The following LPP variants were observed in gnomAD, a reference collection of about 807,000 sequenced individuals.
LPP encodes the protein LIM domain containing preferred translocation partner in lipoma.
LPP carries 38 observed loss-of-function variants against 60.4 expected under a neutral mutation model. The ratio of observed to expected loss-of-function variants is 0.63; its 90% CI spans 0.49 to 0.83. The LOEUF (loss-of-function observed/expected upper bound fraction) is 0.83, where lower values mean the gene tolerates loss of function less well. Ranked by LOEUF, LPP falls within the 40% of genes least tolerant of loss-of-function variation. The pLI is 0.00. For missense variants in LPP, 902 were observed against 783.6 expected, an observed-to-expected ratio of 1.15 and a Z score of -1.80; for synonymous variants, 328 against 290.8, an observed-to-expected ratio of 1.13 and a Z score of -1.30.
chr3:188,872,890 G>T, intron 11 of LPP, 127 bp downstream of exon 11: 1 of 1,263,912 alleles, frequency 7.9e-7, no homozygotes, highest in South Asian at 1.5e-5. Flanking sequence ...CATAGGACTT[G>T]GGTTTTAGAT....
chr3:188,316,531 C>T (rs184373471), intron 2 of LPP, among the ~76,000 whole-genome samples: 93 of 152,236 alleles, frequency 6.1e-4, no homozygotes, highest in Admixed American at 4.6e-3. Flanking sequence ...TCACATGATG[C>T]CCATGATGTT....
At chr3:188,365,869 G>T (rs963337276) in intron 3 of LPP, among the ~76,000 whole-genome samples, 1 of 152,058 alleles carries the variant, frequency 6.6e-6, no homozygotes, top group Non-Finnish European at 1.5e-5. Context: ...ATTAACATAG[G>T]CATCACCTCA....
chr3:188,811,860 A>G (rs888710534), intron 9 of LPP, among the ~76,000 whole-genome samples: 12 of 152,178 alleles, frequency 7.9e-5, no homozygotes, highest in African/African-American at 2.4e-4. Context: ...TTGTGGATAC[A>G]TAGTAGATGT....
intron 2 of LPP, among the ~76,000 whole-genome samples, chr3:188,301,839 T>A (rs977931241): frequency 2.6e-5 from 4 of 152,120 alleles, no homozygotes; most frequent in African/African-American, 7.2e-5. Flanking sequence ...GTACTTTTTT[T>A]AAAGACAGTA....
chr3:188,770,655 C>T (rs148626549), intron 9 of LPP, among the ~76,000 whole-genome samples: 5 of 152,012 alleles, frequency 3.3e-5, no homozygotes, highest in East Asian at 1.9e-4. Context: ...AGTGTGTGTC[C>T]GTGTGATCAG....
chr3:188,619,028 T>C (rs115920414), intron 7 of LPP, among the ~76,000 whole-genome samples: 2,339 of 152,266 alleles, frequency 0.015, 39 homozygotes, highest in Middle Eastern at 0.099. Flanking sequence ...TATTTTATTT[T>C]TTTCTTTTTC....
chr3:188,815,118 T>C (rs1752117293), intron 9 of LPP, among the ~76,000 whole-genome samples: 1 of 152,238 alleles, frequency 6.6e-6, no homozygotes, highest in African/African-American at 2.4e-5. Flanking sequence ...ACTAAATAAA[T>C]ACTTGTCCAA....
intron 1 of LPP, among the ~76,000 whole-genome samples, chr3:188,165,563 G>A (rs1043027020): frequency 3.3e-5 from 5 of 152,308 alleles, no homozygotes; most frequent in Admixed American, 1.3e-4. Context: ...TTGCTGTACT[G>A]AGAAGTTGAG....
chr3:188,197,351 C>T (rs1729823315), intron 1 of LPP, among the ~76,000 whole-genome samples: 1 of 152,166 alleles, frequency 6.6e-6, no homozygotes, highest in African/African-American at 2.4e-5. Context: ...ATGGTAATCT[C>T]AGGAGTCCCT....
rs149437411 is a variant in LPP, at chr3:188,609,231, C to T, written c.500C>T (p.Pro167Leu). ...PVTGHKRMVI[P>L]NQPPLTATKK... ...ACAGGACACAAGAGAATGGTCATCCCGAACCAACCCCCTCTAACAGCAACC... is the reference window on the plus strand; with the variant it reads ...ACAGGACACAAGAGAATGGTCATCCTGAACCAACCCCCTCTAACAGCAACC... Residue 167 changes from proline to leucine, a missense_variant, in exon 7 of 12, where the codon CCG becomes CTG. Pro to Leu is a moderately conservative substitution (Grantham distance 98). Transcript: ENST00000617246. The surrounding 1 kb of genome is among the most constrained non-coding windows in gnomAD (Gnocchi z 6.9). 2.6e-3 allele frequency: 4,142 copies of T among 1,613,940 alleles called. 5 individuals carry two copies. The highest frequency in any genetic ancestry group is 3.2e-3 in the Non-Finnish European group (3,803 of 1,179,966).
At chr3:188,552,621 C>T (rs1159435817) in intron 6 of LPP, among the ~76,000 whole-genome samples, 1 of 152,138 alleles carries the variant, frequency 6.6e-6, no homozygotes, top group African/African-American at 2.4e-5. Context: ...ATTACCTTTC[C>T]CAGCTTCTAG....
intron 9 of LPP, among the ~76,000 whole-genome samples, chr3:188,773,194 A>G (rs1014714234): frequency 9.9e-5 from 15 of 152,176 alleles, no homozygotes; most frequent in South Asian, 8.3e-4. Context: ...CTTACTTAAA[A>G]TAAGTAAATG....
intron 2 of LPP, among the ~76,000 whole-genome samples, chr3:188,299,485 CTG>C (rs1749024763): frequency 6.6e-6 from 1 of 152,176 alleles, no homozygotes; most frequent in Non-Finnish European, 1.5e-5. Flanking sequence ...CTAGGTCAGA[CTG>C]TGTCTTTTTT....
At chr3:188,776,128 G>A (rs1737688462) in intron 9 of LPP, among the ~76,000 whole-genome samples, 1 of 152,216 alleles carries the variant, frequency 6.6e-6, no homozygotes, top group South Asian at 2.1e-4. Flanking sequence ...TATCAGACAT[G>A]TGAACAAATA....
At chr3:188,426,302 C>T (rs1257932269) in intron 4 of LPP, among the ~76,000 whole-genome samples, 2 of 152,194 alleles carry the variant, frequency 1.3e-5, no homozygotes, top group Non-Finnish European at 2.9e-5. Context: ...TTTGATTGCA[C>T]TGTAGACTGA....
At position 188,406,168 on chromosome 3, in the gene LPP, C is replaced by T. The variant is rs746940417; in HGVS notation, c.48C>T (p.Leu16=). 29 of 1,614,134 alleles carry T rather than the reference C, an allele frequency of 1.8e-5. No homozygotes were observed. The Middle Eastern group carries it at 6.6e-4, about 37-fold the overall frequency. The change falls in exon 4 of 12, where the codon CTC becomes CTT. Residue 16 remains leucine (L), a synonymous_variant. Transcript: ENST00000617246. The part of the protein sequence containing the change: ...WLPPKSTGEP[L]GHVPARMETT... ...CACCCAAAAGCACTGGTGAGCCCCT[C>T]GGCCATGTGCCTGCACGGATGGAGA...
intron 2 of LPP, among the ~76,000 whole-genome samples, chr3:188,313,221 A>G (rs1471587851): frequency 6.6e-6 from 1 of 152,096 alleles, no homozygotes; most frequent in African/African-American, 2.4e-5. Flanking sequence ...TATGCTTTCA[A>G]TTATTGTAGC....
intron 2 of LPP, among the ~76,000 whole-genome samples, chr3:188,229,940 T>C (rs1322579778): frequency 6.6e-6 from 1 of 152,174 alleles, no homozygotes; most frequent in African/African-American, 2.4e-5. Flanking sequence ...AGTATGTGTT[T>C]GCTGCCCTGA....
rs566451125 is a variant in LPP at position 188,158,395 on chromosome 3, G to C, written c.-190+4143G>C. 1.2e-4 allele frequency among the ~76,000 whole-genome samples: 19 copies of C among 152,292 alleles called. No homozygotes were observed. The South Asian group carries it at 2.9e-3, about 23-fold the overall frequency. Reference sequence around the variant, plus strand: ...GCGGAGAACCTGAGGGCAAGGGGAAGGGTGGAAGGATTTCAAGTGTGTTGT... The same window carrying C: ...GCGGAGAACCTGAGGGCAAGGGGAACGGTGGAAGGATTTCAAGTGTGTTGT... On this transcript the variant is annotated intron_variant, in intron 1 of 11. Transcript: ENST00000617246.
Sources: allele counts gnomAD v4.1 joint callset (sites outside exome capture counted in the v4.1 genomes callset), GRCh38; gene constraint gnomAD v4.1.1; non-coding constraint Gnocchi (gnomAD v3.1); transcripts MANE v1.5; gene names NCBI Gene and HGNC (gene_info 2026-07-23, HGNC 2026-07-21).